Variants in GEMIN5 observed in about 807,000 individuals in gnomAD.
The protein encoded by GEMIN5 is gem-associated protein 5.
A neutral mutation model predicts 176.9 loss-of-function variants in GEMIN5; 124 were observed. The observed-to-expected ratio is 0.70, with a 90% CI of 0.61 to 0.81. The LOEUF (loss-of-function observed/expected upper bound fraction) is 0.81, where lower values mean the gene tolerates loss of function less well. Ranked by LOEUF, GEMIN5 falls within the 40% of genes least tolerant of loss-of-function variation. GEMIN5 has a pLI of 0.00. For synonymous variants in GEMIN5, 673 were observed against 665.2 expected, an observed-to-expected ratio of 1.01 and a Z score of -0.18; for missense variants, 1,843 against 1,814.6, an observed-to-expected ratio of 1.02 and a Z score of -0.28.
intron 23 of GEMIN5, among the ~76,000 whole-genome samples, chr5:154,897,276 ACT>A (rs1404533962): frequency 6.6e-6 from 1 of 152,120 alleles, no homozygotes; most frequent in Non-Finnish European, 1.5e-5. Flanking sequence ...TAGGCCCTGT[ACT>A]CTGTTAGAGA....
chr5:154,908,429 C>T (rs565459842), intron 15 of GEMIN5, among the ~76,000 whole-genome samples: 1 of 152,210 alleles, frequency 6.6e-6, no homozygotes, highest in East Asian at 1.9e-4. Context: ...GATCTGCCTG[C>T]CTCGGCCTCC....
chr5:154,900,933 C>T (rs1231054156), intron 21 of GEMIN5, among the ~76,000 whole-genome samples: 1 of 152,092 alleles, frequency 6.6e-6, no homozygotes, highest in Non-Finnish European at 1.5e-5. Flanking sequence ...TAAAAACAAG[C>T]CATGAAAAGA....
chr5:154,911,957 G>C (rs1168747103), intron 14 of GEMIN5, 59 bp from the exon 15 acceptor site: 1 of 1,459,120 alleles, frequency 6.9e-7, no homozygotes, highest in Admixed American at 2.3e-5. Flanking sequence ...TGTTTGGGCA[G>C]TATGTTTTCT....
Position 154,938,065 on chromosome 5 carries a change from C to G in GEMIN5, c.69G>C (p.Val23=), listed in dbSNP as rs759747353. ...CGGCGAAGCCAAAGAGGCCCCCGGGCACGGCATCGCTGCAGCGGGCGCAGT... is the reference window on the plus strand; with the variant it reads ...CGGCGAAGCCAAAGAGGCCCCCGGGGACGGCATCGCTGCAGCGGGCGCAGT... ...NWYCARCSDA[V]PGGLFGFAAR... is the part of the protein sequence containing the mutation. Residue 23 remains valine (V), a synonymous_variant, in exon 1 of 28, where the codon GTG becomes GTC. Transcript: ENST00000285873. 1 of 1,526,132 alleles carries G rather than the reference C, an allele frequency of 6.6e-7. No individual in the cohort carries two copies. The highest frequency in any genetic ancestry group is 2.6e-5 in the East Asian group (1 of 38,180). 94.5% of individuals were successfully genotyped at this position (1,526,132 alleles called of 1,614,324 possible). A position where few individuals can be genotyped will look rare whatever the true frequency, so the allele number is the denominator to read the frequency against.
chr5:154,929,414 C>T (rs977729743), intron 5 of GEMIN5, among the ~76,000 whole-genome samples: 2 of 152,190 alleles, frequency 1.3e-5, no homozygotes, highest in Non-Finnish European at 2.9e-5. Flanking sequence ...TGGCAGTGAA[C>T]GTGCTGTGGG....
At chr5:154,897,299 T>TA (rs961648640) in intron 23 of GEMIN5, among the ~76,000 whole-genome samples, 3 of 152,284 alleles carry the variant, frequency 2.0e-5, no homozygotes, top group African/African-American at 4.8e-5. Flanking sequence ...ATGAAGAACT[T>TA]AAAAAACCTC....
chr5:154,892,751 C>T (rs572163777), intron 24 of GEMIN5: 70 of 560,686 alleles, frequency 1.2e-4, no homozygotes, highest in South Asian at 1.2e-3. Context: ...ACACACGTCC[C>T]GGTGTTAAAG....
At chr5:154,897,830 A>G (rs954365460) in intron 23 of GEMIN5, among the ~76,000 whole-genome samples, 1 of 152,006 alleles carries the variant, frequency 6.6e-6, no homozygotes, top group African/African-American at 2.4e-5. Flanking sequence ...TTCTCTCTTC[A>G]AGGAAGACAG....
intron 7 of GEMIN5, among the ~76,000 whole-genome samples, chr5:154,926,504 AATC>A (rs974983468): frequency 3.9e-5 from 6 of 152,230 alleles, no homozygotes; most frequent in Admixed American, 1.3e-4. Context: ...GTAAATTTTT[AATC>A]ATCACTTGTT....
rs757433069 is a variant in GEMIN5, at chr5:154,921,441, G to A, written c.1380-16C>T. ...CTGTGGAGGCCTTTAGAAGAGCAGG[G>A]AGAGAGAACAAATGGAGATTTAAAC... On this transcript the variant is annotated splice_polypyrimidine_tract_variant and intron_variant, in intron 9 of 27. Transcript: ENST00000285873. 2 of 1,161,230 alleles carry A rather than the reference G, an allele frequency of 1.7e-6. No homozygotes were observed. The highest frequency in any genetic ancestry group is 2.2e-5 in the Admixed American group (1 of 45,346). The allele number at this position is 1,161,230 out of a possible 1,614,324, so 71.9% of individuals were successfully genotyped here.
In GEMIN5 at chr5:154,891,673, T is replaced by A. The variant is rs767450538; in HGVS notation, c.3830A>T (p.Glu1277Val). 4.3e-6 allele frequency: 7 copies of A among 1,612,078 alleles called. No individual in the cohort carries two copies. The highest frequency in any genetic ancestry group is 3.4e-6 in the Non-Finnish European group (4 of 1,179,588). The change falls in exon 26 of 28, where the codon GAG (glutamate) becomes GTG (valine). Residue 1277 changes from glutamate (E) to valine (V), a missense_variant. Physicochemically the swap from Glu to Val is moderately radical, Grantham distance 121. Coordinates refer to ENST00000285873, the MANE Select transcript of GEMIN5 (RefSeq NM_015465.5). ...SPATPAFKSLEAFFLYGRLYE... is the reference protein window; with the variant it reads ...SPATPAFKSLVAFFLYGRLYE... Reference sequence around the variant, plus strand: ...CAGACGCCCATAAAGAAAAAAGGCCTCCAAACTTTTGAAAGCTGGTGTGGC... The same window carrying A: ...CAGACGCCCATAAAGAAAAAAGGCCACCAAACTTTTGAAAGCTGGTGTGGC...
At chr5:154,924,633 G>T in intron 8 of GEMIN5, 79 bp from the exon 9 acceptor site, 2 of 822,526 alleles carry the variant, frequency 2.4e-6, no homozygotes, top group Non-Finnish European at 2.0e-6. Context: ...TACCCTTTAA[G>T]CATCCAAAGG....
Position 154,938,083 on chromosome 5 carries a change from G to A in GEMIN5, c.51C>T (p.Ala17=), listed in dbSNP as rs764200904. 1 of 1,500,538 alleles carries A rather than the reference G, an allele frequency of 6.7e-7. No homozygotes were observed. The highest frequency in any genetic ancestry group is 8.9e-7 in the Non-Finnish European group (1 of 1,128,152). 93.0% of individuals were successfully genotyped at this position (1,500,538 alleles called of 1,614,324 possible). The change falls in exon 1 of 28, where the codon GCC becomes GCT. Residue 17 remains alanine, a synonymous_variant. Transcript: ENST00000285873. The part of the protein sequence containing the change: ...TLPPSPNWYC[A]RCSDAVPGGL... ...CCCCGGGCACGGCATCGCTGCAGCGGGCGCAGTACCAGTTGGGGGAGGGCG... is the reference window on the plus strand; with the variant it reads ...CCCCGGGCACGGCATCGCTGCAGCGAGCGCAGTACCAGTTGGGGGAGGGCG...
chr5:154,931,678 A>G (rs1764168103), intron 4 of GEMIN5, 101 bp from the exon 5 acceptor site: 3 of 881,492 alleles, frequency 3.4e-6, no homozygotes, highest in Non-Finnish European at 5.3e-6. Flanking sequence ...TATCTCTTTC[A>G]TAGGTCTGAA....
intron 6 of GEMIN5, 53 bp from the exon 7 acceptor site, chr5:154,927,603 G>C (rs967194635): frequency 1.4e-6 from 2 of 1,380,900 alleles, no homozygotes; most frequent in Non-Finnish European, 2.0e-6. Flanking sequence ...CTGAAAACAA[G>C]TGACTGTTGA....
chr5:154,923,105 C>T (rs1261200502), intron 9 of GEMIN5, among the ~76,000 whole-genome samples: 1 of 152,050 alleles, frequency 6.6e-6, no homozygotes, highest in East Asian at 1.9e-4. Flanking sequence ...TCTGGCCGGG[C>T]ACGGTAGCTA....
chr5:154,935,650 C>T (rs1764251731), intron 3 of GEMIN5, among the ~76,000 whole-genome samples, 191 bp downstream of exon 3: 1 of 152,070 alleles, frequency 6.6e-6, no homozygotes, highest in Admixed American at 6.6e-5. Context: ...CCATGGAAAC[C>T]AAGGAAACAA....
chr5:154,922,295 G>A (rs1763938867), intron 9 of GEMIN5, among the ~76,000 whole-genome samples: 1 of 152,126 alleles, frequency 6.6e-6, no homozygotes, highest in Admixed American at 6.5e-5. Flanking sequence ...AGCCTCTGGA[G>A]TAGCTGGGAC....
intron 22 of GEMIN5, among the ~76,000 whole-genome samples, chr5:154,898,941 A>G (rs1350963456): frequency 6.6e-6 from 1 of 152,150 alleles, no homozygotes; most frequent in Non-Finnish European, 1.5e-5. Context: ...GTTATAAGAG[A>G]CCATTAGAAA....
Sources: gnomAD v4.1 joint callset for allele counts (sites outside exome capture counted in the v4.1 genomes callset) on GRCh38, gnomAD v4.1.1 for gene constraint, MANE v1.5 for transcripts, NCBI Gene and HGNC (gene_info 2026-07-23, HGNC 2026-07-21) for gene names.